The following FAM149A variants were observed in gnomAD, a reference collection of about 807,000 sequenced individuals.
FAM149A encodes the protein protein FAM149A.
In FAM149A, 71 loss-of-function variants were observed where a neutral mutation model predicts 78.2. That is an observed-to-expected ratio of 0.91 (90% CI 0.75 to 1.11). The LOEUF (loss-of-function observed/expected upper bound fraction) is 1.11, where lower values mean the gene tolerates loss of function less well. Ranked by LOEUF, FAM149A falls within the 50% of genes least tolerant of loss-of-function variation. The probability of loss-of-function intolerance (pLI) is 0.00; values close to 1 mark genes in which losing one functional copy is unlikely to be tolerated. For missense variants in FAM149A, 1,036 were observed against 971.0 expected (o/e 1.07, Z -0.89); for synonymous variants, 446 against 410.5 (o/e 1.09, Z -1.04).
In FAM149A at chr4:186,149,547, C is replaced by T; in HGVS notation, c.678-46C>T. On this transcript the variant is annotated intron_variant, in intron 2 of 13. Coordinates refer to ENST00000389354, the MANE Select transcript of FAM149A (RefSeq NM_001367768.3). ...CCTTCCAGCAAATGTGATTTCTTTGCTCATGTTCATTCCTGCAGCAAATCC... is the reference window on the plus strand; with the variant it reads ...CCTTCCAGCAAATGTGATTTCTTTGTTCATGTTCATTCCTGCAGCAAATCC... 1.6e-6 allele frequency: 2 copies of T among 1,289,808 alleles called. No individual in the cohort carries two copies. Among genetic ancestry groups the T allele is most frequent in the Non-Finnish European group, 2.0e-6 (2 of 988,866 alleles). The allele number at this position is 1,289,808 out of a possible 1,614,324, so 79.9% of individuals were successfully genotyped here.
At chr4:186,110,392 TC>T (rs2099310705) in intron 1 of FAM149A, 5 of 796,458 alleles carry the variant, frequency 6.3e-6, no homozygotes, top group Non-Finnish European at 7.1e-6. Flanking sequence ...AGCGTTACTT[TC>T]TTTTTTTTTT....
At position 186,136,990 on chromosome 4, in the gene FAM149A, C is replaced by CTT. The variant is rs1420162424; in HGVS notation, c.567-12182_567-12181insTT. Reference sequence around the variant, plus strand: ...TCTCTCTCTCTTTCTCTCTCTCTCTCTCTCTCTCTCTCTCTCTCTCTCTCT... The same window carrying CTT: ...TCTCTCTCTCTTTCTCTCTCTCTCTCTTTCTCTCTCTCTCTCTCTCTCTCTCT... On this transcript the variant is annotated intron_variant, in intron 1 of 13. Coordinates refer to ENST00000389354, the MANE Select transcript of FAM149A (RefSeq NM_001367768.3). 1.1e-3 allele frequency among the ~76,000 whole-genome samples: 105 copies of CTT among 92,838 alleles called. 3 individuals are homozygous for CTT. The highest frequency in any genetic ancestry group is 2.0e-3 in the Non-Finnish European group (76 of 38,668). 60.9% of individuals were successfully genotyped at this position (92,838 alleles called of 152,430 possible).
intron 1 of FAM149A, chr4:186,133,044 G>A: frequency 1.0e-6 from 1 of 985,410 alleles, no homozygotes; most frequent in Non-Finnish European, 1.2e-6. Context: ...GCTTAGGAAT[G>A]TGAGTAAAGG....
chr4:186,157,775 CA>C (rs1196301367), intron 8 of FAM149A, 56 bp downstream of exon 8: 177 of 1,572,532 alleles, frequency 1.1e-4, no homozygotes, highest in Non-Finnish European at 1.4e-4. Context: ...TCTGTCACCT[CA>C]GTTTGTCGTT....
intron 1 of FAM149A, chr4:186,124,261 C>G: frequency 6.6e-6 from 6 of 904,962 alleles, no homozygotes; most frequent in Non-Finnish European, 6.4e-6. Context: ...GTTAATTTTT[C>G]TTTCTTTTTT....
chr4:186,170,643 C>G (rs1189322085), intron 13 of FAM149A, among the ~76,000 whole-genome samples: 1 of 152,172 alleles, frequency 6.6e-6, no homozygotes, highest in African/African-American at 2.4e-5. Context: ...AGGCAGGGCC[C>G]CCGACAGGCA....
chr4:186,162,365 CCT>C (rs1182877844), intron 8 of FAM149A, among the ~76,000 whole-genome samples: 1 of 152,140 alleles, frequency 6.6e-6, no homozygotes, highest in Non-Finnish European at 1.5e-5. Context: ...TGATGCCCGG[CCT>C]GTGCTTCTCC....
chr4:186,154,442 A>G (rs1733868882), intron 5 of FAM149A, 26 bp from the exon 6 acceptor site: 3 of 1,590,206 alleles, frequency 1.9e-6, no homozygotes, highest in African/African-American at 1.3e-5. Context: ...ATAAACTCCC[A>G]TGTAGAATCT....
chr4:186,154,464 A>G lies in FAM149A; in HGVS notation c.1059-4A>G, dbSNP rs1733871584. The G allele has an allele frequency of 6.2e-7, 1 of 1,604,842 alleles. No individual in the cohort carries two copies. Among genetic ancestry groups the G allele is most frequent in the Non-Finnish European group, 8.5e-7 (1 of 1,175,412 alleles). ...CCCATGTAGAATCTGTTTTTTTCCC[A>G]TAGGTTGTGCATTTCTGGCTCTCAA... On this transcript the variant is annotated splice_polypyrimidine_tract_variant and splice_region_variant and intron_variant, in intron 5 of 13. Coordinates refer to ENST00000389354, the MANE Select transcript of FAM149A (RefSeq NM_001367768.3).
At chr4:186,132,937 C>G (rs987104318) in intron 1 of FAM149A, 1 of 979,310 alleles carries the variant, frequency 1.0e-6, no homozygotes, top group Non-Finnish European at 1.2e-6. Flanking sequence ...CCTGAACCCC[C>G]AGTGTGATGG....
At chr4:186,125,987 C>A in intron 1 of FAM149A, 1 of 985,376 alleles carries the variant, frequency 1.0e-6, no homozygotes, top group Non-Finnish European at 1.2e-6. Flanking sequence ...CCTTCACAGG[C>A]CCCAAATTCT....
intron 6 of FAM149A, 188 bp downstream of exon 6, chr4:186,154,826 C>T (rs1438612527): frequency 7.1e-6 from 7 of 985,236 alleles, no homozygotes; most frequent in African/African-American, 5.2e-5. Flanking sequence ...GCGGGAGCAG[C>T]GAAGAGGGTG....
At chr4:186,132,500 C>A (rs1460594524) in intron 1 of FAM149A, among the ~76,000 whole-genome samples, 1 of 152,140 alleles carries the variant, frequency 6.6e-6, no homozygotes, top group African/African-American at 2.4e-5. Context: ...AGGTCTCAAC[C>A]GATTTAGAAA....
intron 1 of FAM149A, chr4:186,109,856 A>G (rs1002749345): frequency 2.6e-5 from 26 of 985,296 alleles, no homozygotes; most frequent in East Asian, 1.1e-4. Flanking sequence ...GTACATGCCA[A>G]TCTTTCATCA....
At chr4:186,163,056 C>T (rs1462783740) in intron 9 of FAM149A, 108 bp downstream of exon 9, 3 of 717,902 alleles carry the variant, frequency 4.2e-6, no homozygotes, top group Non-Finnish European at 4.9e-6. Context: ...CATTTAATCC[C>T]GTGCTTCAGA....
chr4:186,171,893 C>G (rs368406913), intron 13 of FAM149A, 21 bp from the exon 14 acceptor site: 13 of 1,597,002 alleles, frequency 8.1e-6, no homozygotes, highest in African/African-American at 1.3e-5. Flanking sequence ...ATGAGAATTA[C>G]CTTTTGCTTG....
chr4:186,133,628 C>T (rs2126368485), intron 1 of FAM149A, among the ~76,000 whole-genome samples: 1 of 152,256 alleles, frequency 6.6e-6, no homozygotes, highest in South Asian at 2.1e-4. Flanking sequence ...ATTTGGGTTG[C>T]TTCCCTCTTC....
chr4:186,151,030 C>T, intron 3 of FAM149A: 1 of 985,352 alleles, frequency 1.0e-6, no homozygotes, highest in African/African-American at 1.7e-5. Flanking sequence ...AAAGTGGTTC[C>T]CCACTCCCAC....
At chr4:186,158,063 G>A in intron 8 of FAM149A, 1 of 1,373,496 alleles carries the variant, frequency 7.3e-7, no homozygotes, top group Non-Finnish European at 9.6e-7. Context: ...AAGGGACCTG[G>A]GAGAAGCTGC....
Sources: allele counts gnomAD v4.1 joint callset (sites outside exome capture counted in the v4.1 genomes callset), GRCh38; gene constraint gnomAD v4.1.1; transcripts MANE v1.5; gene names NCBI Gene and HGNC (gene_info 2026-07-23, HGNC 2026-07-21).